TNXB: variants seen among roughly 807,000 people sequenced by gnomAD.
TNXB encodes the protein tenascin-X.
A neutral mutation model predicts 340.5 loss-of-function variants in TNXB; 183 were observed. The observed-to-expected ratio is 0.54, with a 90% CI of 0.48 to 0.61. TNXB has a LOEUF of 0.61. Ranked by LOEUF, TNXB falls within the 20% of genes least tolerant of loss-of-function variation. The pLI is 0.00. For synonymous variants in TNXB, 2,121 were observed against 2,314.5 expected, an observed-to-expected ratio of 0.92 and a Z score of 2.40; for missense variants, 4,613 against 5,446.4, an observed-to-expected ratio of 0.85 and a Z score of 4.82.
In TNXB at chr6:32,061,492, A is replaced by G. The variant is rs1778006217; in HGVS notation, c.7397T>C (p.Val2466Ala). Residue 2466 changes from valine (V) to alanine (A), a missense_variant, in exon 21 of 44, where the codon GTG becomes GCG. Val to Ala is a moderately conservative substitution (Grantham distance 64). Coordinates refer to ENST00000644971, the MANE Select transcript of TNXB (RefSeq NM_001365276.2). This position sits in a 1 kb window ranked among gnomAD's most constrained non-coding sequence, Gnocchi z 4.4. Reference protein sequence around the residue: ...RVGGEESEVTVGGLEPGRKYK... With the variant: ...RVGGEESEVTAGGLEPGRKYK... ...TTTGCGCCCAGGCTCCAGGCCCCCC[A>G]CGGTGACCTCGCTCTCCTCGCCCCC... is the stretch of plus-strand genomic sequence containing the variant. 1 of 1,613,384 alleles carries G rather than the reference A, an allele frequency of 6.2e-7. No individual in the cohort carries two copies. The highest frequency in any genetic ancestry group is 1.3e-5 in the African/African-American group (1 of 74,686).
At chr6:32,050,469 G>A in intron 26 of TNXB, 148 bp from the exon 27 acceptor site, 2 of 1,116,082 alleles carry the variant, frequency 1.8e-6, no homozygotes, top group South Asian at 1.6e-5. Context: ...CTCCCCTGCG[G>A]CCTTTCCTAT....
rs1052061756 is a variant in TNXB, at chr6:32,079,941, TAC to T, written c.4043-578_4043-577del. ...GCCCTGTGGGCACCTACCCGCCCCC[TAC>T]AGTTAGGTCTCTGCTGAGGCTCCAT... On this transcript the variant is annotated intron_variant, in intron 10 of 43. Transcript: ENST00000644971. The surrounding 1 kb of genome is among the most constrained non-coding windows in gnomAD (Gnocchi z 7.1). Among the ~76,000 whole-genome samples, 3 of 152,216 alleles carry T rather than the reference TAC, an allele frequency of 2.0e-5. No individual in the cohort carries two copies. Among genetic ancestry groups the T allele is most frequent in the Non-Finnish European group, 4.4e-5 (3 of 68,034 alleles).
In TNXB at chr6:32,095,877, C is replaced by A. The variant is rs781597053; in HGVS notation, c.1976G>T (p.Arg659Leu). Residue 659 changes from arginine (R) to leucine (L), a missense_variant, in exon 3 of 44, where the codon CGT becomes CTT. Transcript: ENST00000644971. ...GCACACTCCTTGCACACACCGCCCA[C>A]GTCCCCGGCAGTCAGCCGGGCACAT... ...TRMCPADCRG[R>L]GRCVQGVCLC... is the part of the protein sequence containing the mutation. The A allele has an allele frequency of 1.9e-6, 3 of 1,612,520 alleles. No homozygotes were observed. The African/African-American group carries it at 4.0e-5, about 22-fold the overall frequency.
chr6:32,069,684 A>C lies in TNXB; in HGVS notation c.5456T>G (p.Val1819Gly). 6.2e-7 allele frequency: 1 copy of C among 1,612,996 alleles called. No individual in the cohort carries two copies. The highest frequency in any genetic ancestry group is 8.5e-7 in the Non-Finnish European group (1 of 1,179,630). Reference protein sequence around the residue: ...QYKDRDGQPQVVPVEGSLREV... With the variant: ...QYKDRDGQPQGVPVEGSLREV... ...CCTGAGGCTGCCCTCCACGGGCACC[A>C]CCTGGGGCTGCCCGTCCCTGTCTTT... Residue 1819 changes from valine (V) to glycine (G), a missense_variant, in exon 15 of 44, where the codon GTG (valine) becomes GGG (glycine). By Grantham distance (109) the Val-to-Gly change is moderately radical. Around this residue, in one of 7 missense-constraint regions of TNXB, gnomAD observed 4,327 missense variants for 4,859.4 expected, o/e 0.89. Transcript: ENST00000644971. The surrounding 1 kb of genome is among the most constrained non-coding windows in gnomAD (Gnocchi z 6.2).
rs201850136 is a variant in TNXB, at chr6:32,091,511, CTT to C, written c.2359-2134_2359-2133del. 5.5e-3 allele frequency among the ~76,000 whole-genome samples: 832 copies of C among 150,752 alleles called. 2 individuals are homozygous for C. Among genetic ancestry groups the C allele is most frequent in the East Asian group, 0.017 (87 of 5,120 alleles). ...TTTTTTTTTGAGACGGAATTTCGCT[CTT>C]GTCTCCCAGGCTGGAGTGCAATGGC... is the stretch of plus-strand genomic sequence containing the variant. On this transcript the variant is annotated intron_variant, in intron 4 of 43. Coordinates refer to ENST00000644971, the MANE Select transcript of TNXB (RefSeq NM_001365276.2).
chr6:32,051,307 G>A lies in TNXB; in HGVS notation c.9116-986C>T, dbSNP rs900210113. ...TGGTCCACAGCCTGTCCCCCATGACGTTAGCCCCATTAGGACAGGAACTTT... is the reference window on the plus strand; with the variant it reads ...TGGTCCACAGCCTGTCCCCCATGACATTAGCCCCATTAGGACAGGAACTTT... On this transcript the variant is annotated intron_variant, in intron 26 of 43. Coordinates refer to ENST00000644971, the MANE Select transcript of TNXB (RefSeq NM_001365276.2). This position sits in a 1 kb window ranked among gnomAD's most constrained non-coding sequence, Gnocchi z 4.7. Among the ~76,000 whole-genome samples the A allele has an allele frequency of 4.9e-4, 75 of 152,318 alleles. No homozygotes were observed. The highest frequency in any genetic ancestry group is 1.6e-3 in the African/African-American group (68 of 41,564).
Position 32,053,608 on chromosome 6 carries a change from A to G in TNXB, c.8571T>C (p.Pro2857=), listed in dbSNP as rs372992568. The part of the protein sequence containing the change: ...LGELTVTDAT[P]DSLSLSWMVP... ...CCATCCAGGACAGGCTGAGGGAGTC[A>G]GGGGTGGCATCTGTCACGGTCAGCT... Residue 2857 remains proline, a synonymous_variant, in exon 25 of 44, where the codon CCT becomes CCC. Coordinates refer to ENST00000644971, the MANE Select transcript of TNXB (RefSeq NM_001365276.2). 2.5e-5 allele frequency: 40 copies of G among 1,613,412 alleles called. No individual in the cohort carries two copies. The highest frequency in any genetic ancestry group is 2.0e-4 in the African/African-American group (15 of 74,888).
At chr6:32,053,345 C>A (rs371620079) in intron 25 of TNXB, 43 bp downstream of exon 25, 168 of 1,591,332 alleles carry the variant, frequency 1.1e-4, no homozygotes, top group Non-Finnish European at 1.3e-4. Flanking sequence ...GAAAGGGAGA[C>A]CCTCCCACAG....
At position 32,062,054 on chromosome 6, in the gene TNXB, G is replaced by T. The variant is rs577811431; in HGVS notation, c.7168+103C>A. On this transcript the variant is annotated intron_variant, in intron 20 of 43. Transcript: ENST00000644971. The surrounding 1 kb of genome is among the most constrained non-coding windows in gnomAD (Gnocchi z 4.3). ...CCCAGCCCCAGCCACAAGTAGGTCT[G>T]TGGTGCTGACCAGACCCGTCCCATT... 3 of 1,396,984 alleles carry T rather than the reference G, an allele frequency of 2.1e-6. No individual in the cohort carries two copies. The highest frequency in any genetic ancestry group is 2.2e-5 in the Admixed American group (1 of 45,242). 86.5% of individuals were successfully genotyped at this position (1,396,984 alleles called of 1,614,324 possible).
At chr6:32,098,967 T>C (rs1780572818) in intron 1 of TNXB, among the ~76,000 whole-genome samples, 2 of 152,322 alleles carry the variant, frequency 1.3e-5, no homozygotes, top group South Asian at 4.1e-4. Context: ...CTGTTCCTGT[T>C]CTTCATGGCA....
rs1779698565 is a variant in TNXB at position 32,085,168 on chromosome 6, C to T, written c.3149-459G>A. On this transcript the variant is annotated intron_variant, in intron 7 of 43. Transcript: ENST00000644971. This position sits in a 1 kb window ranked among gnomAD's most constrained non-coding sequence, Gnocchi z 6.4. ...AAAGAGGGGATGTGAAAGCCAGGTACCCCAGGACCTGTCTTTCACTGGTCC... is the reference window on the plus strand; with the variant it reads ...AAAGAGGGGATGTGAAAGCCAGGTATCCCAGGACCTGTCTTTCACTGGTCC... 6.6e-6 allele frequency among the ~76,000 whole-genome samples: 1 copy of T among 152,060 alleles called. No individual in the cohort carries two copies. The highest frequency in any genetic ancestry group is 2.1e-4 in the South Asian group (1 of 4,810).
chr6:32,049,966 C>G lies in TNXB; in HGVS notation c.9439+32G>C. On this transcript the variant is annotated intron_variant, in intron 27 of 43. Transcript: ENST00000644971. This position sits in a 1 kb window ranked among gnomAD's most constrained non-coding sequence, Gnocchi z 4.5. ...AGAGCAAGAGGTGGCCCTCCCACAG[C>G]TCCCACCCTGGGGCTCCCATCATTC... 2 of 1,611,660 alleles carry G rather than the reference C, an allele frequency of 1.2e-6. No individual in the cohort carries two copies. Among genetic ancestry groups the G allele is most frequent in the Non-Finnish European group, 1.7e-6 (2 of 1,178,114 alleles).
chr6:32,095,157 G>C lies in TNXB; in HGVS notation c.2277C>G (p.Leu759=), dbSNP rs1267832570. Residue 759 remains leucine, a synonymous_variant, in exon 4 of 44, where the codon CTC becomes CTG. Transcript: ENST00000644971. ...CTGTCCGAACTGTTGTCTCCTCCAA[G>C]AGATGCATCCTCATGCCCTCAATGG... ...VPTIEGMRMH[L]LEETTVRTEW... The C allele has an allele frequency of 1.9e-6, 3 of 1,550,072 alleles. No individual in the cohort carries two copies. The highest frequency in any genetic ancestry group is 2.4e-5 in the South Asian group (2 of 83,764).
At position 32,061,270 on chromosome 6, in the gene TNXB, G is replaced by T; in HGVS notation, c.7492+127C>A. ...ACCGCTAGCATAGGCCACAGCCACA[G>T]GGCACAGAGGGAGGGCAGGACACAG... On this transcript the variant is annotated intron_variant, in intron 21 of 43. Transcript: ENST00000644971. The surrounding 1 kb of genome is among the most constrained non-coding windows in gnomAD (Gnocchi z 4.4). 1 of 1,403,880 alleles carries T rather than the reference G, an allele frequency of 7.1e-7. No individual in the cohort carries two copies. Among genetic ancestry groups the T allele is most frequent in the Admixed American group, 2.2e-5 (1 of 44,512 alleles). The allele number at this position is 1,403,880 out of a possible 1,614,324, so 87.0% of individuals were successfully genotyped here.
Position 32,089,408 on chromosome 6 carries a change from G to T in TNXB, c.2359-29C>A, listed in dbSNP as rs962277556. 6 of 1,589,200 alleles carry T rather than the reference G, an allele frequency of 3.8e-6. No homozygotes were observed. The African/African-American group carries it at 8.0e-5, about 21-fold the overall frequency. On this transcript the variant is annotated intron_variant, in intron 4 of 43. Coordinates refer to ENST00000644971, the MANE Select transcript of TNXB (RefSeq NM_001365276.2). The surrounding 1 kb of genome is among the most constrained non-coding windows in gnomAD (Gnocchi z 6.2). ...TGAGAGAGAGCACCAGGTGGCTCAG[G>T]GGCTGGCACTCTTGCCTCTGCTGCT...
Position 32,089,721 on chromosome 6 carries a change from G to C in TNXB, c.2359-342C>G, listed in dbSNP as rs539625593. 3.3e-5 allele frequency among the ~76,000 whole-genome samples: 5 copies of C among 152,256 alleles called. No individual in the cohort carries two copies. In the South Asian group the frequency reaches 1.0e-3, roughly 32 times the overall value. On this transcript the variant is annotated intron_variant, in intron 4 of 43. Transcript: ENST00000644971. The surrounding 1 kb of genome is among the most constrained non-coding windows in gnomAD (Gnocchi z 6.2). Reference sequence around the variant, plus strand: ...AATGGCAAGAATTTAGGCCCTAGCAGTGTGATCCCAGAGTCCCCTCTCATG... The same window carrying C: ...AATGGCAAGAATTTAGGCCCTAGCACTGTGATCCCAGAGTCCCCTCTCATG...
chr6:32,081,412 C>T lies in TNXB; in HGVS notation c.3998G>A (p.Arg1333His), dbSNP rs534979105. 9 of 1,549,674 alleles carry T rather than the reference C, an allele frequency of 5.8e-6. No homozygotes were observed. Among genetic ancestry groups the T allele is most frequent in the East Asian group, 2.4e-5 (1 of 41,342 alleles). ...CTCGGGCCCCACACGCTGCCTGCCACGAAGCCCGTAGAGGTTCATCTTATA... is the reference window on the plus strand; with the variant it reads ...CTCGGGCCCCACACGCTGCCTGCCATGAAGCCCGTAGAGGTTCATCTTATA... ...RKYKMNLYGL[R>H]GRQRVGPESV... Residue 1333 changes from arginine (R) to histidine (H), a missense_variant, in exon 10 of 44, where the codon CGT becomes CAT. By Grantham distance (29) the Arg-to-His change is conservative. Transcript: ENST00000644971. This position sits in a 1 kb window ranked among gnomAD's most constrained non-coding sequence, Gnocchi z 5.1.
At chr6:32,101,588 CTTT>C (rs58601681) in intron 1 of TNXB, among the ~76,000 whole-genome samples, 13 of 126,218 alleles carry the variant, frequency 1.0e-4, no homozygotes, top group South Asian at 5.4e-4. Flanking sequence ...CGCACCCAGC[CTTT>C]TTTTTTTTTT....
At position 32,067,752 on chromosome 6, in the gene TNXB, C is replaced by T. The variant is rs764501653; in HGVS notation, c.6453G>A (p.Gly2151=). The change falls in exon 18 of 44, where the codon GGG becomes GGA. Residue 2151 remains glycine, a synonymous_variant. Coordinates refer to ENST00000644971, the MANE Select transcript of TNXB (RefSeq NM_001365276.2). The surrounding 1 kb of genome is among the most constrained non-coding windows in gnomAD (Gnocchi z 4.2). ...TGTACTTGCGCCCAGGCTCCAGGCC[C>T]CCCACGGTGACTTCACTCTCCTCGC... ...VGGEESEVTV[G]GLEPGRKYKM... The T allele has an allele frequency of 6.2e-7, 1 of 1,613,794 alleles. No homozygotes were observed. Among genetic ancestry groups the T allele is most frequent in the Non-Finnish European group, 8.5e-7 (1 of 1,179,890 alleles).
Sources: allele counts gnomAD v4.1 joint callset (sites outside exome capture counted in the v4.1 genomes callset), GRCh38; gene constraint gnomAD v4.1.1; regional missense constraint gnomAD v4.1.1; non-coding constraint Gnocchi (gnomAD v3.1); transcripts MANE v1.5; gene names NCBI Gene and HGNC (gene_info 2026-07-23, HGNC 2026-07-21).